The following NCAPH2 variants were observed in gnomAD, a reference collection of about 807,000 sequenced individuals.
NCAPH2 encodes non-SMC condensin II complex subunit H2.
A neutral mutation model predicts 88.6 loss-of-function variants in NCAPH2; 56 were observed. The observed-to-expected ratio is 0.63, with a 90% CI of 0.51 to 0.79. The LOEUF (loss-of-function observed/expected upper bound fraction) is 0.79. Among genes scored for constraint, NCAPH2 ranks in the 30% least tolerant of loss-of-function variants. The probability of loss-of-function intolerance (pLI) is 0.00; values close to 1 mark genes in which losing one functional copy is unlikely to be tolerated. For missense variants in NCAPH2, 794 were observed against 792.0 expected, an observed-to-expected ratio of 1.00 and a Z score of -0.03; for synonymous variants, 378 against 313.6, an observed-to-expected ratio of 1.21 and a Z score of -2.17.
At position 50,523,334 on chromosome 22, in the gene NCAPH2, C is replaced by T. The variant is rs757679772; in HGVS notation, c.1777C>T (p.Arg593Cys). ...RLLTHQRAHK[R>C]FQTYAAPSMA... ...GCTCACGCACCAGCGAGCGCACAAG[C>T]GCTTCCAGACCTACGCTGCCCCCTC... The change falls in exon 20 of 20, where the codon CGC becomes TGC. Residue 593 changes from arginine to cysteine, a missense_variant. Transcript: ENST00000420993. 21 of 1,570,150 alleles carry T rather than the reference C, an allele frequency of 1.3e-5. No homozygotes were observed. The highest frequency in any genetic ancestry group is 1.9e-5 in the Admixed American group (1 of 53,264).
At chr22:50,512,548 T>TG (rs960198522) in intron 1 of NCAPH2, among the ~76,000 whole-genome samples, 9 of 150,052 alleles carry the variant, frequency 6.0e-5, no homozygotes, top group Admixed American at 2.0e-4. Context: ...CCTTTGTTTT[T>TG]TTTTTTTTGT....
intron 13 of NCAPH2, 35 bp downstream of exon 13, chr22:50,522,074 T>C: frequency 3.1e-6 from 5 of 1,613,682 alleles, no homozygotes; most frequent in Non-Finnish European, 4.2e-6. Flanking sequence ...ACAGTTTTAC[T>C]CTCCTTCCCC....
At position 50,508,366 on chromosome 22, in the gene NCAPH2, A is replaced by C; in HGVS notation, c.29A>C (p.His10Pro). Residue 10 changes from histidine to proline, a missense_variant, in exon 1 of 20, where the codon CAC becomes CCC. This residue lies in a region of NCAPH2 where 59 missense variants were observed against 95.7 expected (regional missense o/e 0.62). Coordinates refer to ENST00000420993, the MANE Select transcript of NCAPH2 (RefSeq NM_152299.4). ...GAGGACGTGGAGGCGCGCTTCGCCC[A>C]CCTCTTGCAGCCCATCCGCGACCTC... is the stretch of plus-strand genomic sequence containing the variant. MEDVEARFA[H>P]LLQPIRDLTK... 1 of 1,481,092 alleles carries C rather than the reference A, an allele frequency of 6.8e-7. No homozygotes were observed. The highest frequency in any genetic ancestry group is 3.0e-5 in the East Asian group (1 of 33,326). 91.7% of individuals were successfully genotyped at this position (1,481,092 alleles called of 1,614,324 possible).
chr22:50,522,378 C>A lies in NCAPH2; in HGVS notation c.1269C>A (p.Asp423Glu). Residue 423 changes from aspartate (D) to glutamate (E), a missense_variant, in exon 15 of 20, where the codon GAC becomes GAA. This residue lies in a region of NCAPH2 where 735 missense variants were observed against 696.3 expected (regional missense o/e 1.06). Transcript: ENST00000420993. ...AEQWLRPAEE[D>E]HLEDSLEDLG... is the part of the protein sequence containing the mutation. ...AGTGGCTGCGGCCTGCAGAGGAGGACCACCTGGAGGATTCCCTGGAAGACC... is the reference window on the plus strand; with the variant it reads ...AGTGGCTGCGGCCTGCAGAGGAGGAACACCTGGAGGATTCCCTGGAAGACC... 3 of 1,608,358 alleles carry A rather than the reference C, an allele frequency of 1.9e-6. No homozygotes were observed. Among genetic ancestry groups the A allele is most frequent in the Non-Finnish European group, 2.5e-6 (3 of 1,176,886 alleles).
rs1569521493 is a variant in NCAPH2, at chr22:50,523,853, TTGGG to T, written c.*482_*485del. On this transcript the variant is annotated 3_prime_UTR_variant, in exon 20 of 20. Transcript: ENST00000420993. Reference sequence around the variant, plus strand: ...GTGGAGCCGGTCAGACCCAACAGTCTTGGGTGGAAGTCCTGGACGTAGCGGGCCA... The same window carrying T: ...GTGGAGCCGGTCAGACCCAACAGTCTTGGAAGTCCTGGACGTAGCGGGCCA... 6.2e-7 allele frequency: 1 copy of T among 1,613,984 alleles called. No individual in the cohort carries two copies. The highest frequency in any genetic ancestry group is 1.7e-5 in the Admixed American group (1 of 60,028).
At chr22:50,511,321 ACT>A (rs1264910959) in intron 1 of NCAPH2, among the ~76,000 whole-genome samples, 1 of 110,146 alleles carries the variant, frequency 9.1e-6, no homozygotes, top group Admixed American at 1.3e-4. Flanking sequence ...ACGGAGTCTC[ACT>A]CTGTCGCCCA....
rs148224132 is a variant in NCAPH2 at position 50,514,483 on chromosome 22, C to T, written c.109-1964C>T. Among the ~76,000 whole-genome samples the T allele has an allele frequency of 4.1e-3, 630 of 152,088 alleles. 7 individuals carry two copies. Among genetic ancestry groups the T allele is most frequent in the African/African-American group, 0.014 (599 of 41,492 alleles). ...ATGAATCTTGGTGAAGCCATCCAAG[C>T]GATGTTTGAAGAAGGCAGCTGAACA... On this transcript the variant is annotated intron_variant, in intron 1 of 19. Transcript: ENST00000420993.
Position 50,522,830 on chromosome 22 carries a change from A to G in NCAPH2, c.1435A>G (p.Ile479Val), listed in dbSNP as rs1260676172. ...GCTGATCCTCCCCTAGGAGCTCTTC[A>G]TCGCCACCTCCCAGAAGTTTGTCCA... is the stretch of plus-strand genomic sequence containing the variant. ...ELVRRNVELF[I>V]ATSQKFVQET... is the part of the protein sequence containing the mutation. The change falls in exon 18 of 20, where the codon ATC (isoleucine) becomes GTC (valine). Residue 479 changes from isoleucine to valine, a missense_variant. By Grantham distance (29) the Ile-to-Val change is conservative (BLOSUM62 3). Around this residue, in one of 2 missense-constraint regions of NCAPH2, gnomAD observed 735 missense variants for 696.3 expected, o/e 1.06. Coordinates refer to ENST00000420993, the MANE Select transcript of NCAPH2 (RefSeq NM_152299.4). The G allele has an allele frequency of 2.5e-6, 4 of 1,613,264 alleles. No homozygotes were observed. Among genetic ancestry groups the G allele is most frequent in the East Asian group, 4.5e-5 (2 of 44,864 alleles).
In NCAPH2 at chr22:50,523,508, C is replaced by A; in HGVS notation, c.*133C>A. On this transcript the variant is annotated 3_prime_UTR_variant, in exon 20 of 20. Transcript: ENST00000420993. ...AAAAACCCTTTTATGTACACCTGCG[C>A]AGAGAAGAGGGCTGCCTGGCCTCCC... 6.5e-7 allele frequency: 1 copy of A among 1,547,696 alleles called. No homozygotes were observed. The highest frequency in any genetic ancestry group is 8.8e-7 in the Non-Finnish European group (1 of 1,141,236).
rs201367371 is a variant in NCAPH2 at position 50,518,181 on chromosome 22, G to A, written c.549G>A (p.Thr183=). 9.6e-5 allele frequency: 155 copies of A among 1,614,108 alleles called. 1 individual carries two copies. The East Asian group carries it at 1.1e-3, about 11-fold the overall frequency. The stretch of plus-strand genomic sequence containing the variant: ...GCCGGAAGGATTTCAGGATGAACAC[G>A]TGCGTTCCCCACCCCAGAGGGGCCT... ...LASRKDFRMN[T]CVPHPRGAFM... Residue 183 remains threonine, a synonymous_variant, in exon 7 of 20, where the codon ACG becomes ACA. Coordinates refer to ENST00000420993, the MANE Select transcript of NCAPH2 (RefSeq NM_152299.4).
At chr22:50,522,794 C>T (rs780963560) in intron 17 of NCAPH2, 27 bp from the exon 18 acceptor site, 2 of 1,612,642 alleles carry the variant, frequency 1.2e-6, no homozygotes, top group Admixed American at 3.3e-5. Context: ...GCTTGGGAGG[C>T]AGTAGCTCCT....
chr22:50,519,534 C>T (rs1276614610), intron 9 of NCAPH2: 52 of 1,394,156 alleles, frequency 3.7e-5, no homozygotes, highest in Non-Finnish European at 4.4e-5. Context: ...AGAACTGATG[C>T]TCCTCAGAGT....
chr22:50,519,628 A>G (rs1189785997), intron 9 of NCAPH2: 1 of 1,205,076 alleles, frequency 8.3e-7, no homozygotes, highest in Non-Finnish European at 1.0e-6. Flanking sequence ...GCCTCTCTGC[A>G]GTCGGGCTGG....
chr22:50,512,441 C>T (rs1339799859), intron 1 of NCAPH2, among the ~76,000 whole-genome samples: 3 of 152,118 alleles, frequency 2.0e-5, no homozygotes, highest in Non-Finnish European at 2.9e-5. Flanking sequence ...TTCCAAACCT[C>T]TGCAGCTTGA....
At chr22:50,519,743 A>G in intron 9 of NCAPH2, 1 of 1,017,462 alleles carries the variant, frequency 9.8e-7, no homozygotes, top group Non-Finnish European at 1.2e-6. Flanking sequence ...TTAAAACAAA[A>G]TCAACCTGAT....
Position 50,508,292 on chromosome 22 carries a change from C to A in NCAPH2, c.-46C>A, listed in dbSNP as rs1418126584. The A allele has an allele frequency of 1.4e-6, 2 of 1,398,754 alleles. No homozygotes were observed. Among genetic ancestry groups the A allele is most frequent in the South Asian group, 1.4e-5 (1 of 72,076 alleles). 86.6% of individuals were successfully genotyped at this position (1,398,754 alleles called of 1,614,324 possible). A position where few individuals can be genotyped will look rare whatever the true frequency, so the allele number is the denominator to read the frequency against. On this transcript the variant is annotated 5_prime_UTR_variant, in exon 1 of 20. Coordinates refer to ENST00000420993, the MANE Select transcript of NCAPH2 (RefSeq NM_152299.4). ...GGCGGGCTGAGGACGCCGTACCCCTCGGAAGGCAGCCCTGCGGTCCCTTTG... is the reference window on the plus strand; with the variant it reads ...GGCGGGCTGAGGACGCCGTACCCCTAGGAAGGCAGCCCTGCGGTCCCTTTG...
Position 50,508,251 on chromosome 22 carries a change from T to C in NCAPH2, c.-87T>C, listed in dbSNP as rs1392112241. The C allele has an allele frequency of 5.9e-6, 6 of 1,017,212 alleles. No individual in the cohort carries two copies. The African/African-American group carries it at 8.7e-5, about 15-fold the overall frequency. The allele number at this position is 1,017,212 out of a possible 1,614,324, so 63.0% of individuals were successfully genotyped here. On this transcript the variant is annotated 5_prime_UTR_variant, in exon 1 of 20. An upstream start codon of the reference 5' UTR is lost. Coordinates refer to ENST00000420993, the MANE Select transcript of NCAPH2 (RefSeq NM_152299.4). ...ATTTTCCTGGGCGGGAACAGCAAAA[T>C]GGCGCCAGAACTAGTGGCGGGCTGA...
Position 50,522,127 on chromosome 22 carries a change from C to A in NCAPH2, c.1163-54C>A, listed in dbSNP as rs1287317918. On this transcript the variant is annotated intron_variant, in intron 13 of 19. Transcript: ENST00000420993. ...GGTGTCACCCAAAGCCTTGGGTGGA[C>A]TGGCACGGGGCCTGGGAAGGACGAG... 7.4e-6 allele frequency: 12 copies of A among 1,611,482 alleles called. No homozygotes were observed. The East Asian group carries it at 1.6e-4, about 21-fold the overall frequency.
Position 50,524,423 on chromosome 22 carries a change from T to C in NCAPH2, c.*1048T>C. ...GTCAGCAGCAGCATGGATCTGATGC[T>C]CCTGGAAACAAGCACAGGCGTCAGG... On this transcript the variant is annotated 3_prime_UTR_variant, in exon 20 of 20. Coordinates refer to ENST00000420993, the MANE Select transcript of NCAPH2 (RefSeq NM_152299.4). The C allele has an allele frequency of 1.9e-6, 3 of 1,609,070 alleles. No homozygotes were observed. The highest frequency in any genetic ancestry group is 2.5e-6 in the Non-Finnish European group (3 of 1,179,744).
Sources: allele counts gnomAD v4.1 joint callset (sites outside exome capture counted in the v4.1 genomes callset), GRCh38; gene constraint gnomAD v4.1.1; regional missense constraint gnomAD v4.1.1; transcripts MANE v1.5; gene names NCBI Gene and HGNC (gene_info 2026-07-23, HGNC 2026-07-21).